Variants in SCHIP1 observed in about 807,000 individuals in gnomAD.
SCHIP1 encodes schwannomin-interacting protein 1.
In SCHIP1, 8 loss-of-function variants were observed where a neutral mutation model predicts 29.7. The ratio of observed to expected loss-of-function variants is 0.27; its 90% CI spans 0.16 to 0.49. The LOEUF is 0.49. Among genes scored for constraint, SCHIP1 ranks in the 20% least tolerant of loss-of-function variants. The pLI, the probability that SCHIP1 is intolerant of heterozygous loss-of-function variation, is 0.99. For synonymous variants in SCHIP1, 76 were observed against 94.9 expected (o/e 0.80, Z 1.16); for missense variants, 193 against 294.6 (o/e 0.66, Z 2.52).
At chr3:159,517,073 C>G in the SCHIP1 span, among the ~76,000 whole-genome samples, 2 of 152,078 alleles carry the variant, frequency 1.3e-5, no homozygotes, top group Non-Finnish European at 2.9e-5. Flanking sequence ...GCGTATCAGC[C>G]AGCAGGTATT....
the SCHIP1 span, among the ~76,000 whole-genome samples, chr3:159,742,681 T>C: frequency 4.6e-5 from 7 of 151,996 alleles, no homozygotes; most frequent in South Asian, 4.2e-4. Context: ...TTTTCTTTTT[T>C]TTTTGAGACA....
chr3:159,572,763 G>A, the SCHIP1 span, among the ~76,000 whole-genome samples: 1 of 152,078 alleles, frequency 6.6e-6, no homozygotes, highest in Non-Finnish European at 1.5e-5. Flanking sequence ...CTCTTTGTAG[G>A]TCTCTAAGGG....
the SCHIP1 span, among the ~76,000 whole-genome samples, chr3:159,483,018 A>C: frequency 6.6e-6 from 1 of 152,108 alleles, no homozygotes; most frequent in Non-Finnish European, 1.5e-5. Context: ...AATTTAAACC[A>C]ATATATATCT....
the SCHIP1 span, among the ~76,000 whole-genome samples, chr3:159,359,061 G>A: frequency 6.6e-6 from 1 of 151,312 alleles, no homozygotes; most frequent in South Asian, 2.1e-4. Context: ...CCGAGTAGCT[G>A]GGACTACAGG....
the SCHIP1 span, among the ~76,000 whole-genome samples, chr3:159,810,419 G>A: frequency 1.3e-5 from 2 of 152,288 alleles, no homozygotes; most frequent in East Asian, 1.9e-4. Flanking sequence ...ACAACCAAAT[G>A]TAGAACCTTT....
At chr3:159,737,395 C>G in the SCHIP1 span, among the ~76,000 whole-genome samples, 1 of 152,150 alleles carries the variant, frequency 6.6e-6, no homozygotes, top group Non-Finnish European at 1.5e-5. Flanking sequence ...GAATTTCTAA[C>G]AAGTTTACAG....
the SCHIP1 span, among the ~76,000 whole-genome samples, chr3:159,731,248 C>G: frequency 6.6e-6 from 1 of 152,218 alleles, no homozygotes; most frequent in Non-Finnish European, 1.5e-5. Context: ...AAATTAGGCT[C>G]TACTCTCTTC....
chr3:159,795,970 C>T, the SCHIP1 span, among the ~76,000 whole-genome samples: 1 of 152,200 alleles, frequency 6.6e-6, no homozygotes, highest in Non-Finnish European at 1.5e-5. Flanking sequence ...GAATCAAAAT[C>T]ACTGAGGTTA....
chr3:159,785,292 A>G, the SCHIP1 span, among the ~76,000 whole-genome samples: 1 of 152,254 alleles, frequency 6.6e-6, no homozygotes, highest in African/African-American at 2.4e-5. Context: ...ACACCTACCA[A>G]TGGCAATGCA....
At chr3:159,588,438 T>C in the SCHIP1 span, among the ~76,000 whole-genome samples, 1 of 152,238 alleles carries the variant, frequency 6.6e-6, no homozygotes, top group Non-Finnish European at 1.5e-5. Flanking sequence ...TGATGGTAGT[T>C]TCTTTTGCTG....
At chr3:159,582,785 TATACACAC>T in the SCHIP1 span, among the ~76,000 whole-genome samples, 15 of 80,400 alleles carry the variant, frequency 1.9e-4, no homozygotes, top group African/African-American at 2.8e-4. Flanking sequence ...GAAATATATA[TATACACAC>T]ACACACACAC....
chr3:159,416,390 C>G, the SCHIP1 span, among the ~76,000 whole-genome samples: 6 of 152,208 alleles, frequency 3.9e-5, no homozygotes, highest in Admixed American at 2.6e-4. Context: ...TTCTTGTTTA[C>G]TGTCCATTTT....
At chr3:159,657,196 G>A in the SCHIP1 span, among the ~76,000 whole-genome samples, 1 of 152,310 alleles carries the variant, frequency 6.6e-6, no homozygotes, top group Admixed American at 6.5e-5. Context: ...AAGAATTAAT[G>A]TAAGTGACCA....
the SCHIP1 span, among the ~76,000 whole-genome samples, chr3:159,396,324 A>G: frequency 6.7e-6 from 1 of 149,850 alleles, no homozygotes; most frequent in African/African-American, 2.5e-5. Context: ...ATTTACATTT[A>G]AAGTTAATAT....
At chr3:159,875,039 C>T (rs1235026530) in intron 2 of SCHIP1, among the ~76,000 whole-genome samples, 4 of 108,562 alleles carry the variant, frequency 3.7e-5, no homozygotes, top group South Asian at 2.8e-4. Context: ...AAAACAAAAA[C>T]TATCATTTTT....
the SCHIP1 span, among the ~76,000 whole-genome samples, chr3:159,755,232 C>T: frequency 6.6e-6 from 1 of 151,830 alleles, no homozygotes; most frequent in Non-Finnish European, 1.5e-5. Flanking sequence ...AAGACTCCCT[C>T]TCAAAAAAAA....
the SCHIP1 span, among the ~76,000 whole-genome samples, chr3:159,381,612 C>T: frequency 0.034 from 4,972 of 148,222 alleles, 103 homozygotes; most frequent in East Asian, 0.1. Context: ...TTTTCTTCTT[C>T]TTTTTTTTTT....
At chr3:159,654,886 C>CA in the SCHIP1 span, among the ~76,000 whole-genome samples, 2 of 151,502 alleles carry the variant, frequency 1.3e-5, no homozygotes, top group Admixed American at 6.6e-5. Context: ...GATTTGTCAC[C>CA]AGCTGGTTGA....
chr3:159,411,547 C>T, the SCHIP1 span, among the ~76,000 whole-genome samples: 312 of 152,028 alleles, frequency 2.1e-3, 1 homozygote, highest in Non-Finnish European at 3.7e-3. Flanking sequence ...CAGTATACAC[C>T]GAATGATTAA....
Sources: allele counts gnomAD v4.1 joint callset (sites outside exome capture counted in the v4.1 genomes callset), GRCh38; gene constraint gnomAD v4.1.1; transcripts MANE v1.5; gene names NCBI Gene and HGNC (gene_info 2026-07-23, HGNC 2026-07-21).